GFRA2: variants seen among roughly 807,000 people sequenced by gnomAD.
GFRA2 encodes GDNF family receptor alpha 2, also known as GDNF family receptor alpha-2.
A neutral mutation model predicts 48.3 loss-of-function variants in GFRA2; 17 were observed. That is an observed-to-expected ratio of 0.35 (90% CI 0.24 to 0.53). The LOEUF (loss-of-function observed/expected upper bound fraction) is 0.53. GFRA2 is among the 20% of genes least tolerant of loss of function. The pLI is 0.93. For synonymous variants in GFRA2, 305 were observed against 257.2 expected, an observed-to-expected ratio of 1.19 and a Z score of -1.78; for missense variants, 660 against 637.3, an observed-to-expected ratio of 1.04 and a Z score of -0.38.
intron 4 of GFRA2, among the ~76,000 whole-genome samples, chr8:21,714,246 CTTTTT>C (rs10674628): frequency 1.3e-4 from 10 of 78,402 alleles, no homozygotes; most frequent in South Asian, 5.2e-4. Flanking sequence ...GTCTGAAGTT[CTTTTT>C]TTTTTTTTTT....
chr8:21,771,546 A>G (rs1806438725), intron 3 of GFRA2, among the ~76,000 whole-genome samples: 1 of 152,192 alleles, frequency 6.6e-6, no homozygotes, highest in Non-Finnish European at 1.5e-5. Flanking sequence ...CCCTTCCCCA[A>G]GGCTTCTGGA....
chr8:21,795,898 G>A (rs922019779), intron 2 of GFRA2, among the ~76,000 whole-genome samples: 29 of 152,272 alleles, frequency 1.9e-4, no homozygotes, highest in Non-Finnish European at 3.2e-4. Context: ...TGGAGGGCAA[G>A]GAAAAAGCAC....
intron 4 of GFRA2, among the ~76,000 whole-genome samples, chr8:21,722,096 T>G (rs1029767827): frequency 1.3e-5 from 2 of 152,192 alleles, no homozygotes; most frequent in African/African-American, 4.8e-5. Flanking sequence ...ACAAAGGATG[T>G]GAGGCTGGGG....
Position 21,786,948 on chromosome 8 carries a change from G to A in GFRA2, c.40+1172C>T, listed in dbSNP as rs758588689. ...GGCTACACAGCAAGCCAAGGTGGTAGAACTACACCCTCACTGAAGCAGACG... is the reference window on the plus strand; with the variant it reads ...GGCTACACAGCAAGCCAAGGTGGTAAAACTACACCCTCACTGAAGCAGACG... On this transcript the variant is annotated intron_variant, in intron 1 of 8. Coordinates refer to ENST00000524240, the MANE Select transcript of GFRA2 (RefSeq NM_001495.5). 9.7e-3 allele frequency among the ~76,000 whole-genome samples: 1,470 copies of A among 152,112 alleles called. 17 individuals are homozygous for A. The highest frequency in any genetic ancestry group is 0.017 in the Non-Finnish European group (1,159 of 67,966).
At chr8:21,754,059 C>G (rs1805430020) in intron 3 of GFRA2, among the ~76,000 whole-genome samples, 1 of 152,244 alleles carries the variant, frequency 6.6e-6, no homozygotes, top group Admixed American at 6.5e-5. Flanking sequence ...GTGAGTCCTT[C>G]CTGACCACCC....
intron 2 of GFRA2, among the ~76,000 whole-genome samples, chr8:21,804,786 T>C (rs944123060): frequency 6.6e-6 from 1 of 152,140 alleles, no homozygotes; most frequent in Non-Finnish European, 1.5e-5. Flanking sequence ...CTGGGGCTTC[T>C]GGGCTCATAA....
In GFRA2 at chr8:21,715,877, A is replaced by AAGGGAGAGAGAGAGAACGAG. The variant is rs369537861; in HGVS notation, c.795-9856_795-9837dup. 1.1e-3 allele frequency among the ~76,000 whole-genome samples: 170 copies of AAGGGAGAGAGAGAGAACGAG among 152,360 alleles called. 1 individual carries two copies. The highest frequency in any genetic ancestry group is 3.8e-3 in the African/African-American group (160 of 41,596). On this transcript the variant is annotated intron_variant, in intron 4 of 8. Coordinates refer to ENST00000524240, the MANE Select transcript of GFRA2 (RefSeq NM_001495.5). ...AGCAGAAACAAGGTACAAGAAAAGC[A>AAGGGAGAGAGAGAGAACGAG]AGGGAGAGAGAGAGAACGAGAGAGA...
chr8:21,766,907 G>A (rs1168010823), intron 3 of GFRA2, among the ~76,000 whole-genome samples: 2 of 24,018 alleles, frequency 8.3e-5, no homozygotes, highest in East Asian at 1.6e-3. Flanking sequence ...CCACACACAC[G>A]CTAACACATA....
At chr8:21,765,079 C>G (rs964080716) in intron 3 of GFRA2, among the ~76,000 whole-genome samples, 1 of 151,868 alleles carries the variant, frequency 6.6e-6, no homozygotes, top group African/African-American at 2.4e-5. Context: ...CTAACCACTT[C>G]CTCTTTCTTT....
At chr8:21,731,714 C>G (rs1804204867) in intron 4 of GFRA2, among the ~76,000 whole-genome samples, 1 of 152,016 alleles carries the variant, frequency 6.6e-6, no homozygotes, top group East Asian at 1.9e-4. Flanking sequence ...CACAGAAAAC[C>G]CGCGAAGGAG....
intron 4 of GFRA2, among the ~76,000 whole-genome samples, chr8:21,731,668 T>C (rs911386353): frequency 1.3e-5 from 2 of 152,038 alleles, no homozygotes; most frequent in Non-Finnish European, 2.9e-5. Flanking sequence ...CGTGCATACA[T>C]AATTCCAACG....
At chr8:21,798,463 T>G (rs1807715640) in intron 2 of GFRA2, among the ~76,000 whole-genome samples, 1 of 152,184 alleles carries the variant, frequency 6.6e-6, no homozygotes, top group Non-Finnish European at 1.5e-5. Flanking sequence ...GAAATTCATC[T>G]TCCATCCAGT....
chr8:21,724,632 G>C (rs1180413064), intron 4 of GFRA2, among the ~76,000 whole-genome samples: 1 of 152,182 alleles, frequency 6.6e-6, no homozygotes, highest in Non-Finnish European at 1.5e-5. Flanking sequence ...CAAGCAAAGG[G>C]TCTGCAGGGG....
intron 3 of GFRA2, among the ~76,000 whole-genome samples, chr8:21,769,996 C>T (rs1806369121): frequency 6.6e-6 from 1 of 152,204 alleles, no homozygotes; most frequent in Non-Finnish European, 1.5e-5. Flanking sequence ...TAGACAATGC[C>T]ATCTCTTCTA....
chr8:21,801,664 T>C (rs997482787), intron 2 of GFRA2, among the ~76,000 whole-genome samples: 6 of 151,126 alleles, frequency 4.0e-5, no homozygotes, highest in Non-Finnish European at 7.4e-5. Context: ...GCAGAGTGGG[T>C]AAAGGAAGTG....
intron 4 of GFRA2, among the ~76,000 whole-genome samples, chr8:21,710,046 A>G (rs2117390849): frequency 6.6e-6 from 1 of 152,294 alleles, no homozygotes; most frequent in South Asian, 2.1e-4. Flanking sequence ...GGGGCTGGCC[A>G]GAGGGACTCC....
chr8:21,810,420 A>G (rs1318354317), intron 1 of GFRA2, among the ~76,000 whole-genome samples: 1 of 152,198 alleles, frequency 6.6e-6, no homozygotes, highest in East Asian at 1.9e-4. Context: ...CCTCCTGGAC[A>G]GAGTCCTTCC....
chr8:21,798,541 T>C (rs1807716826), intron 2 of GFRA2, among the ~76,000 whole-genome samples: 1 of 152,184 alleles, frequency 6.6e-6, no homozygotes, highest in East Asian at 1.9e-4. Flanking sequence ...CAGCTGACCA[T>C]GTGACTTTAG....
chr8:21,755,321 G>A (rs1050987231), intron 3 of GFRA2, among the ~76,000 whole-genome samples: 1 of 152,040 alleles, frequency 6.6e-6, no homozygotes, highest in Admixed American at 6.6e-5. Context: ...GAGGAGTAGC[G>A]GGTAGATGGG....
Sources: allele counts gnomAD v4.1 joint callset (sites outside exome capture counted in the v4.1 genomes callset), GRCh38; gene constraint gnomAD v4.1.1; transcripts MANE v1.5; gene names NCBI Gene and HGNC (gene_info 2026-07-23, HGNC 2026-07-21).